Variants in AR observed in about 807,000 individuals in gnomAD.
AR encodes androgen receptor.
AR carries 8 observed loss-of-function variants against 53.9 expected under a neutral mutation model. That is an observed-to-expected ratio of 0.15 (90% CI 0.09 to 0.27). AR has a LOEUF of 0.27. AR is among the 10% of genes least tolerant of loss of function. AR has a pLI of 1.00. For missense variants in AR, 639 were observed against 742.5 expected (o/e 0.86, Z 1.62); for synonymous variants, 359 against 316.4 (o/e 1.13, Z -1.43).
At chrX:67,561,003 A>C (rs759597773) in intron 1 of AR, among the ~76,000 whole-genome samples, 1 of 112,256 alleles carries the variant, frequency 8.9e-6, no homozygotes, top group Non-Finnish European at 1.9e-5. Context: ...GTTAGGCACA[A>C]GTCAAGAGTG....
At chrX:67,703,267 C>T (rs1296193562) in intron 3 of AR, among the ~76,000 whole-genome samples, 5 of 111,531 alleles carry the variant, frequency 4.5e-5, no homozygotes, top group Non-Finnish European at 9.4e-5. Context: ...CATGGTCTTT[C>T]TCAGTGCAAC....
chrX:67,643,461 G>C (rs2147437008), intron 2 of AR, 54 bp downstream of exon 2: 1 of 1,154,999 alleles, frequency 8.7e-7, no homozygotes, highest in South Asian at 1.9e-5. Context: ...ACCTTCCAGA[G>C]AGAGACACTA....
intron 1 of AR, among the ~76,000 whole-genome samples, chrX:67,590,264 A>G (rs1722278348): frequency 1.8e-5 from 2 of 111,373 alleles, no homozygotes; most frequent in Admixed American, 9.5e-5. Flanking sequence ...AGCAGAAATA[A>G]CTTAGATCTC....
chrX:67,711,743 G>T lies in AR; in HGVS notation c.2173+54G>T, dbSNP rs184286103. On this transcript the variant is annotated intron_variant, in intron 4 of 7. Coordinates refer to ENST00000374690, the MANE Select transcript of AR (RefSeq NM_000044.6). ...ATAAGGGGGATCATATTTAGTGAAC[G>T]CTCCTATGGACCAGCCACCATGTCT... is the stretch of plus-strand genomic sequence containing the variant. 8 of 1,122,832 alleles carry T rather than the reference G, an allele frequency of 7.1e-6. No homozygotes were observed. In the Admixed American group the frequency reaches 7.8e-5, roughly 11 times the overall value. The allele number at this position is 1,122,832 out of a possible 1,213,427, so 92.5% of individuals were successfully genotyped here.
At chrX:67,547,587 T>C (rs1929817082) in intron 1 of AR, among the ~76,000 whole-genome samples, 1 of 112,142 alleles carries the variant, frequency 8.9e-6, no homozygotes, top group African/African-American at 3.2e-5. Context: ...ATCAGATCTA[T>C]AAAGAGGAGA....
chrX:67,647,065 C>T (rs893531696), intron 2 of AR, among the ~76,000 whole-genome samples: 2 of 111,550 alleles, frequency 1.8e-5, no homozygotes, highest in South Asian at 7.6e-4. Context: ...ATCCCCATCT[C>T]TACCTCATTA....
chrX:67,580,534 A>G (rs1922251818), intron 1 of AR, among the ~76,000 whole-genome samples: 1 of 111,690 alleles, frequency 9.0e-6, no homozygotes, highest in South Asian at 3.7e-4. Flanking sequence ...CTAGTTACTC[A>G]TTTATAACCT....
intron 3 of AR, among the ~76,000 whole-genome samples, chrX:67,702,640 T>C: frequency 1.8e-5 from 2 of 112,398 alleles, no homozygotes; most frequent in East Asian, 5.6e-4. Flanking sequence ...TGAGTTCTTC[T>C]GTGTTCCTCT....
chrX:67,596,595 T>A (rs1194408202), intron 1 of AR, among the ~76,000 whole-genome samples: 1 of 112,136 alleles, frequency 8.9e-6, no homozygotes, highest in Non-Finnish European at 1.9e-5. Context: ...CCTCAGTGTG[T>A]TCAGTCTGTG....
intron 2 of AR, among the ~76,000 whole-genome samples, chrX:67,673,927 C>T (rs1187285535): frequency 1.8e-5 from 2 of 110,832 alleles, no homozygotes; most frequent in Admixed American, 9.6e-5. Context: ...TCATACCTGC[C>T]CTCCTTGGGA....
At chrX:67,676,614 A>C (rs1406757748) in intron 2 of AR, among the ~76,000 whole-genome samples, 3 of 111,549 alleles carry the variant, frequency 2.7e-5, no homozygotes, top group Non-Finnish European at 5.6e-5. Flanking sequence ...TTATGGCAAA[A>C]GTAAAACTTG....
In AR at chrX:67,695,738, AACAC is replaced by A. The variant is rs760106489; in HGVS notation, c.1885+9643_1885+9646del. The A allele has an allele frequency of 1.4e-3, 924 of 676,816 alleles. 1 individual carries two copies. Among genetic ancestry groups the A allele is most frequent in the African/African-American group, 0.012 (420 of 33,768 alleles). The allele number at this position is 676,816 out of a possible 1,213,427, so 55.8% of individuals were successfully genotyped here. A position where few individuals can be genotyped will look rare whatever the true frequency, so the allele number is the denominator to read the frequency against. On this transcript the variant is annotated intron_variant, in intron 3 of 7. Transcript: ENST00000374690. ...TTTCCCACCTTCTCCAGTCTGTCTA[AACAC>A]ACACACACACACACACACACACACA...
At chrX:67,630,393 T>G (rs1347984197) in intron 1 of AR, among the ~76,000 whole-genome samples, 1 of 111,815 alleles carries the variant, frequency 8.9e-6, no homozygotes, top group South Asian at 3.8e-4. Flanking sequence ...CATTATGTAA[T>G]GGCCTTCTTT....
chrX:67,586,556 A>T (rs1388836339), intron 1 of AR, among the ~76,000 whole-genome samples: 1 of 112,275 alleles, frequency 8.9e-6, no homozygotes, highest in Non-Finnish European at 1.9e-5. Context: ...TGCCCTTCGC[A>T]TATAGTAGGC....
intron 2 of AR, among the ~76,000 whole-genome samples, chrX:67,678,995 A>T (rs1375932197): frequency 9.0e-6 from 1 of 111,508 alleles, no homozygotes; most frequent in Non-Finnish European, 1.9e-5. Flanking sequence ...ATAATAATGT[A>T]TTATATGTCT....
intron 2 of AR, among the ~76,000 whole-genome samples, chrX:67,647,515 T>C: frequency 8.9e-6 from 1 of 111,946 alleles, no homozygotes; most frequent in Middle Eastern, 4.6e-3. Flanking sequence ...CCCTGACTTT[T>C]CAAGTAACAT....
At chrX:67,713,583 A>G (rs2076101959) in intron 4 of AR, among the ~76,000 whole-genome samples, 1 of 111,722 alleles carries the variant, frequency 9.0e-6, no homozygotes, top group South Asian at 3.7e-4. Context: ...CATAGAGACT[A>G]TTATTTCCAT....
intron 2 of AR, among the ~76,000 whole-genome samples, chrX:67,659,915 T>A (rs1224844934): frequency 9.0e-6 from 1 of 111,686 alleles, no homozygotes; most frequent in Non-Finnish European, 1.9e-5. Context: ...CCATTCTAAT[T>A]GGTGTGAGAT....
chrX:67,667,926 T>C (rs1394398254), intron 2 of AR, among the ~76,000 whole-genome samples: 4 of 112,063 alleles, frequency 3.6e-5, no homozygotes, highest in African/African-American at 1.3e-4. Flanking sequence ...ATCCCGCAAC[T>C]TTACTGAATT....
Sources: gnomAD v4.1 joint callset for allele counts (sites outside exome capture counted in the v4.1 genomes callset) on GRCh38, gnomAD v4.1.1 for gene constraint, MANE v1.5 for transcripts, NCBI Gene and HGNC (gene_info 2026-07-23, HGNC 2026-07-21) for gene names.